RPS6KC1: variants seen among roughly 807,000 people sequenced by gnomAD.
The protein encoded by RPS6KC1 is inactive ribosomal protein S6 kinase delta-1.
RPS6KC1 carries 54 observed loss-of-function variants against 103.8 expected under a neutral mutation model. The ratio of observed to expected loss-of-function variants is 0.52; its 90% confidence interval spans 0.42 to 0.65. RPS6KC1 has a LOEUF of 0.65. RPS6KC1 is among the 30% of genes least tolerant of loss of function. RPS6KC1 has a pLI of 0.00. For synonymous variants in RPS6KC1, 439 were observed against 438.7 expected, an observed-to-expected ratio of 1.00 and a Z score of -0.01; for missense variants, 1,151 against 1,253.8, an observed-to-expected ratio of 0.92 and a Z score of 1.24.
intron 3 of RPS6KC1, among the ~76,000 whole-genome samples, chr1:213,092,763 T>C (rs746579229): frequency 9.2e-5 from 14 of 152,160 alleles, no homozygotes; most frequent in Non-Finnish European, 1.9e-4. Flanking sequence ...TGATGTTTAG[T>C]AAGATCCTGT....
chr1:213,335,384 C>T, the RPS6KC1 span, among the ~76,000 whole-genome samples: 1 of 152,202 alleles, frequency 6.6e-6, no homozygotes, highest in East Asian at 1.9e-4. Context: ...ATGTGAACGT[C>T]CAGGTAGCTG....
At chr1:213,430,817 T>C in the RPS6KC1 span, among the ~76,000 whole-genome samples, 1 of 152,270 alleles carries the variant, frequency 6.6e-6, no homozygotes, top group African/African-American at 2.4e-5. Context: ...TGATCAATTT[T>C]ATATTTTCCT....
the RPS6KC1 span, among the ~76,000 whole-genome samples, chr1:213,570,995 A>C: frequency 6.6e-6 from 1 of 152,232 alleles, no homozygotes; most frequent in African/African-American, 2.4e-5. Flanking sequence ...TGACAGCAGA[A>C]TACGTTAAAT....
chr1:213,560,439 G>A, the RPS6KC1 span, among the ~76,000 whole-genome samples: 2 of 152,166 alleles, frequency 1.3e-5, no homozygotes, highest in African/African-American at 4.8e-5. Flanking sequence ...AGGAATGCAG[G>A]TGGCCTCTCT....
the RPS6KC1 span, among the ~76,000 whole-genome samples, chr1:213,501,608 A>T: frequency 1.3e-5 from 2 of 151,976 alleles, no homozygotes; most frequent in Non-Finnish European, 2.9e-5. Flanking sequence ...GGTGGTGAGC[A>T]CACGTAATCC....
At chr1:213,231,766 C>A (rs1202785725) in intron 9 of RPS6KC1, among the ~76,000 whole-genome samples, 1 of 152,200 alleles carries the variant, frequency 6.6e-6, no homozygotes, top group Non-Finnish European at 1.5e-5. Context: ...ATTGGTCTTA[C>A]AATGTCTACT....
At chr1:213,351,609 C>A in the RPS6KC1 span, among the ~76,000 whole-genome samples, 2 of 152,236 alleles carry the variant, frequency 1.3e-5, no homozygotes, top group East Asian at 1.9e-4. Flanking sequence ...ATAGTCATGA[C>A]ACGTGGTCAT....
the RPS6KC1 span, among the ~76,000 whole-genome samples, chr1:213,838,415 G>A: frequency 6.6e-6 from 1 of 152,044 alleles, no homozygotes; most frequent in Non-Finnish European, 1.5e-5. Context: ...GGCTGGCATG[G>A]CCCTTCCATC....
the RPS6KC1 span, among the ~76,000 whole-genome samples, chr1:213,338,753 C>G: frequency 6.8e-6 from 1 of 148,014 alleles, no homozygotes; most frequent in Admixed American, 6.8e-5. Context: ...AAGTTCTGGT[C>G]TAGAAGTCTT....
chr1:213,482,584 C>G, the RPS6KC1 span, among the ~76,000 whole-genome samples: 52 of 89,032 alleles, frequency 5.8e-4, no homozygotes, highest in African/African-American at 2.2e-3. Flanking sequence ...GAGTCTTGCT[C>G]TGTTGCCAGG....
At chr1:213,363,636 T>C in the RPS6KC1 span, among the ~76,000 whole-genome samples, 101 of 37,166 alleles carry the variant, frequency 2.7e-3, 5 homozygotes, top group African/African-American at 0.019. Context: ...CTTTCTTTCT[T>C]TCTTTCTTTC....
At chr1:213,353,883 G>A in the RPS6KC1 span, among the ~76,000 whole-genome samples, 1 of 152,196 alleles carries the variant, frequency 6.6e-6, no homozygotes, top group Non-Finnish European at 1.5e-5. Context: ...TGTGTTCAGA[G>A]ACATGGAAAA....
chr1:213,164,017 G>A (rs545286527), intron 6 of RPS6KC1, among the ~76,000 whole-genome samples: 126 of 152,192 alleles, frequency 8.3e-4, no homozygotes, highest in Middle Eastern at 3.4e-3. Context: ...ATTCAGTTAT[G>A]GTACTTTATA....
At chr1:213,603,291 T>C in the RPS6KC1 span, among the ~76,000 whole-genome samples, 1 of 152,222 alleles carries the variant, frequency 6.6e-6, no homozygotes, top group Non-Finnish European at 1.5e-5. Flanking sequence ...CTACTGCAAC[T>C]GCACCATGTG....
Position 213,104,474 on chromosome 1 carries a change from A to G in RPS6KC1, c.283A>G (p.Ile95Val), listed in dbSNP as rs1191718546. 7 of 1,610,916 alleles carry G rather than the reference A, an allele frequency of 4.3e-6. No individual in the cohort carries two copies. Among genetic ancestry groups the G allele is most frequent in the South Asian group, 1.1e-5 (1 of 90,924 alleles). The change falls in exon 4 of 15, where the codon ATC becomes GTC. Residue 95 changes from isoleucine to valine, a missense_variant. Physicochemically the swap from Ile to Val is conservative, Grantham distance 29 (BLOSUM62 3). Around this residue, in one of 3 missense-constraint regions of RPS6KC1, gnomAD observed 959 missense variants for 1,006.3 expected, o/e 0.95. Transcript: ENST00000366960. ...IVFGRFDETV[I>V]EERRQCAEDL... is the part of the protein sequence containing the mutation. The stretch of plus-strand genomic sequence containing the variant: ...TGTAGGGCGATTTGATGAAACTGTT[A>G]TCGAAGAGAGAAGACAATGTGCTGA...
the RPS6KC1 span, among the ~76,000 whole-genome samples, chr1:213,511,337 C>T: frequency 6.6e-6 from 1 of 152,098 alleles, no homozygotes; most frequent in Non-Finnish European, 1.5e-5. Context: ...CCCCCACGGC[C>T]CTGCTCTGGC....
the RPS6KC1 span, chr1:213,841,035 C>G: frequency 6.6e-6 from 1 of 152,322 alleles, no homozygotes; most frequent in South Asian, 2.1e-4. Context: ...CTGCTTTTAT[C>G]ACTTCTCTAT....
At chr1:213,828,871 TG>T in the RPS6KC1 span, among the ~76,000 whole-genome samples, 1 of 152,220 alleles carries the variant, frequency 6.6e-6, no homozygotes, top group African/African-American at 2.4e-5. Context: ...ATCTTTCCTA[TG>T]TGGTATAAAA....
At chr1:213,808,019 G>C in the RPS6KC1 span, among the ~76,000 whole-genome samples, 2 of 152,316 alleles carry the variant, frequency 1.3e-5, no homozygotes, top group East Asian at 3.9e-4. Flanking sequence ...CTGCAGGTCT[G>C]TTGGAGTTTG....
Sources: allele counts gnomAD v4.1 joint callset (sites outside exome capture counted in the v4.1 genomes callset), GRCh38; gene constraint gnomAD v4.1.1; regional missense constraint gnomAD v4.1.1; transcripts MANE v1.5; gene names NCBI Gene and HGNC (gene_info 2026-07-23, HGNC 2026-07-21).